Variants in SCHIP1 observed in about 807,000 individuals in gnomAD.
The protein encoded by SCHIP1 is schwannomin-interacting protein 1.
In SCHIP1, 8 loss-of-function variants were observed where a neutral mutation model predicts 29.7. The observed-to-expected ratio is 0.27, with a 90% CI of 0.16 to 0.49. The LOEUF is 0.49. Among genes scored for constraint, SCHIP1 ranks in the 20% least tolerant of loss-of-function variants. The pLI is 0.99. For synonymous variants in SCHIP1, 76 were observed against 94.9 expected (o/e 0.80, Z 1.16); for missense variants, 193 against 294.6 (o/e 0.66, Z 2.52).
At chr3:159,660,141 C>T in the SCHIP1 span, among the ~76,000 whole-genome samples, 6 of 152,042 alleles carry the variant, frequency 3.9e-5, no homozygotes, top group Non-Finnish European at 8.8e-5. Flanking sequence ...AAGGAATGGC[C>T]ACTGAGAAGA....
the SCHIP1 span, among the ~76,000 whole-genome samples, chr3:159,749,516 C>T: frequency 1.3e-5 from 2 of 152,180 alleles, no homozygotes; most frequent in African/African-American, 2.4e-5. Flanking sequence ...TTGTGTTCAT[C>T]ATGCTCCCAG....
the SCHIP1 span, among the ~76,000 whole-genome samples, chr3:159,277,160 A>C: frequency 0.41 from 61,499 of 151,760 alleles, 12,693 homozygotes; most frequent in African/African-American, 0.44. Flanking sequence ...GGAAAAAAAA[A>C]CCCCACTTCT....
the SCHIP1 span, among the ~76,000 whole-genome samples, chr3:159,549,689 C>T: frequency 6.6e-6 from 1 of 152,122 alleles, no homozygotes; most frequent in Non-Finnish European, 1.5e-5. Context: ...GTATAAGCCA[C>T]CCAATCTATG....
At chr3:159,344,390 T>C in the SCHIP1 span, among the ~76,000 whole-genome samples, 1 of 151,092 alleles carries the variant, frequency 6.6e-6, no homozygotes, top group African/African-American at 2.4e-5. Flanking sequence ...GAGAAAAGTA[T>C]GAAAACAGTG....
chr3:159,406,575 G>C, the SCHIP1 span, among the ~76,000 whole-genome samples: 3 of 152,168 alleles, frequency 2.0e-5, no homozygotes, highest in Non-Finnish European at 4.4e-5. Flanking sequence ...AGTAAGTACA[G>C]AGAAACACAC....
the SCHIP1 span, among the ~76,000 whole-genome samples, chr3:159,524,921 C>G: frequency 6.6e-6 from 1 of 152,324 alleles, no homozygotes; most frequent in Middle Eastern, 3.4e-3. Flanking sequence ...CTACTGTACA[C>G]CCCACCCCTA....
chr3:159,369,283 A>G, the SCHIP1 span, among the ~76,000 whole-genome samples: 2 of 152,180 alleles, frequency 1.3e-5, no homozygotes, highest in African/African-American at 4.8e-5. Flanking sequence ...TTTATTTAAA[A>G]CCATAAAATC....
the SCHIP1 span, among the ~76,000 whole-genome samples, chr3:159,368,726 G>A: frequency 6.6e-6 from 1 of 151,930 alleles, no homozygotes; most frequent in Admixed American, 6.6e-5. Flanking sequence ...GGCATGGTGA[G>A]AGATAGGGGT....
chr3:159,310,644 C>A, the SCHIP1 span, among the ~76,000 whole-genome samples: 2 of 152,100 alleles, frequency 1.3e-5, no homozygotes, highest in African/African-American at 4.8e-5. Flanking sequence ...AAAATGATAA[C>A]ACAATGAATG....
At chr3:159,491,928 C>T in the SCHIP1 span, among the ~76,000 whole-genome samples, 4 of 152,216 alleles carry the variant, frequency 2.6e-5, no homozygotes, top group Non-Finnish European at 5.9e-5. Flanking sequence ...CAGGCAGCAG[C>T]ATTTGCAGTT....
the SCHIP1 span, among the ~76,000 whole-genome samples, chr3:159,681,435 A>T: frequency 6.6e-6 from 1 of 152,172 alleles, no homozygotes; most frequent in Non-Finnish European, 1.5e-5. Context: ...ACCCTAATAA[A>T]GATTTGTTTT....
At chr3:159,700,219 C>A in the SCHIP1 span, among the ~76,000 whole-genome samples, 1 of 152,122 alleles carries the variant, frequency 6.6e-6, no homozygotes, top group Non-Finnish European at 1.5e-5. Context: ...TTGCAGTATA[C>A]ACAGGAAATA....
At chr3:159,836,726 G>GA (rs541062760), upstream of SCHIP1, among the ~76,000 whole-genome samples, 1,043 of 147,758 alleles carry the variant, frequency 7.1e-3, 7 homozygotes, top group Non-Finnish European at 9.5e-3. Flanking sequence ...GATCTGAGAA[G>GA]AAAAAAAAAA....
At chr3:159,690,819 G>T in the SCHIP1 span, among the ~76,000 whole-genome samples, 1 of 152,174 alleles carries the variant, frequency 6.6e-6, no homozygotes, top group Non-Finnish European at 1.5e-5. Context: ...TGGCTTCAAA[G>T]AACTTGTTTA....
At chr3:159,430,849 T>G in the SCHIP1 span, among the ~76,000 whole-genome samples, 1 of 151,976 alleles carries the variant, frequency 6.6e-6, no homozygotes, top group South Asian at 2.1e-4. Flanking sequence ...CCGTCCCCCA[T>G]GATGTATAGA....
intron 2 of SCHIP1, among the ~76,000 whole-genome samples, chr3:159,868,082 A>G (rs1714844335): frequency 6.7e-6 from 1 of 149,584 alleles, no homozygotes; most frequent in South Asian, 2.1e-4. Flanking sequence ...TGGGTTATAT[A>G]TAACATACGT....
At chr3:159,496,054 T>C in the SCHIP1 span, among the ~76,000 whole-genome samples, 1 of 152,170 alleles carries the variant, frequency 6.6e-6, no homozygotes, top group African/African-American at 2.4e-5. Flanking sequence ...TAGCCATATG[T>C]AGAAAGCTGA....
chr3:159,810,559 A>G, the SCHIP1 span, among the ~76,000 whole-genome samples: 1 of 152,246 alleles, frequency 6.6e-6, no homozygotes, highest in African/African-American at 2.4e-5. Context: ...AAATGGGATC[A>G]TAGAATATCC....
At chr3:159,404,842 C>G in the SCHIP1 span, among the ~76,000 whole-genome samples, 4 of 152,186 alleles carry the variant, frequency 2.6e-5, no homozygotes, top group Non-Finnish European at 5.9e-5. Flanking sequence ...AGACCCAGTG[C>G]TGTGCTGGCT....
Sources: allele counts gnomAD v4.1 joint callset (sites outside exome capture counted in the v4.1 genomes callset), GRCh38; gene constraint gnomAD v4.1.1; transcripts MANE v1.5; gene names NCBI Gene and HGNC (gene_info 2026-07-23, HGNC 2026-07-21).